The following BABAM2 variants were observed in gnomAD, a reference collection of about 807,000 sequenced individuals.
The protein encoded by BABAM2 is BRISC and BRCA1 A complex member 2, also known as BRISC and BRCA1-A complex member 2.
A neutral mutation model predicts 54.7 loss-of-function variants in BABAM2; 31 were observed. That is an observed-to-expected ratio of 0.57 (90% CI 0.43 to 0.77). BABAM2 has a LOEUF of 0.77. Ranked by LOEUF, BABAM2 falls within the 30% of genes least tolerant of loss-of-function variation. The pLI, the probability that BABAM2 is intolerant of heterozygous loss-of-function variation, is 0.00. For missense variants in BABAM2, 364 were observed against 455.8 expected (o/e 0.80, Z 1.83); for synonymous variants, 167 against 162.9 (o/e 1.03, Z -0.19).
chr2:28,215,061 A>G (rs1163127190), intron 7 of BABAM2, among the ~76,000 whole-genome samples: 1 of 152,056 alleles, frequency 6.6e-6, no homozygotes, highest in African/African-American at 2.4e-5. Context: ...AGTTTTCACC[A>G]TCTTTTTCAC....
intron 10 of BABAM2, among the ~76,000 whole-genome samples, chr2:28,288,514 C>T (rs1405986010): frequency 2.0e-5 from 3 of 151,828 alleles, no homozygotes; most frequent in Non-Finnish European, 4.4e-5. Context: ...TTAGTACAGA[C>T]GGGGTTTTAC....
At position 28,279,348 on chromosome 2, in the gene BABAM2, A is replaced by G. The variant is rs537809384; in HGVS notation, c.935-18990A>G. On this transcript the variant is annotated intron_variant, in intron 10 of 11. Transcript: ENST00000379624. ...TGATGCACATCAGCAAAGCAGGGCCATCCATCTTGTGAGCTGCTTTTTGTT... is the reference window on the plus strand; with the variant it reads ...TGATGCACATCAGCAAAGCAGGGCCGTCCATCTTGTGAGCTGCTTTTTGTT... Among the ~76,000 whole-genome samples the G allele has an allele frequency of 2.0e-5, 3 of 152,180 alleles. No individual in the cohort carries two copies. The South Asian group carries it at 6.2e-4, about 32-fold the overall frequency.
At chr2:28,251,739 C>T (rs754655358) in intron 10 of BABAM2, among the ~76,000 whole-genome samples, 1 of 152,068 alleles carries the variant, frequency 6.6e-6, no homozygotes, top group African/African-American at 2.4e-5. Flanking sequence ...AAAAGCAAAT[C>T]GGAATCAGTA....
intron 6 of BABAM2, among the ~76,000 whole-genome samples, chr2:28,052,314 G>A (rs1428946641): frequency 1.4e-5 from 2 of 145,834 alleles, no homozygotes; most frequent in African/African-American, 5.1e-5. Context: ...AATAGACAGA[G>A]TCTTGCTCTG....
intron 2 of BABAM2, among the ~76,000 whole-genome samples, chr2:27,906,612 T>C (rs1046991933): frequency 2.0e-5 from 3 of 152,122 alleles, no homozygotes; most frequent in Admixed American, 6.5e-5. Context: ...CCAGGATAAA[T>C]TGGGGTCTGA....
At chr2:28,227,491 T>A (rs1201823920) in intron 7 of BABAM2, among the ~76,000 whole-genome samples, 2 of 152,216 alleles carry the variant, frequency 1.3e-5, no homozygotes, top group Non-Finnish European at 2.9e-5. Context: ...CTTCCTTGCC[T>A]TGCCTTCTGT....
At chr2:28,088,047 T>G (rs1665828325) in intron 6 of BABAM2, among the ~76,000 whole-genome samples, 1 of 152,200 alleles carries the variant, frequency 6.6e-6, no homozygotes, top group Non-Finnish European at 1.5e-5. Context: ...CTGAAAATAG[T>G]CCACTACAAA....
intron 11 of BABAM2, among the ~76,000 whole-genome samples, chr2:28,328,881 G>A (rs1194493328): frequency 6.6e-6 from 1 of 152,184 alleles, no homozygotes; most frequent in East Asian, 1.9e-4. Context: ...ACCTCTTTGG[G>A]TTGTATATTC....
chr2:28,038,784 C>T lies in BABAM2; in HGVS notation c.496-6941C>T, dbSNP rs145028878. Among the ~76,000 whole-genome samples the T allele has an allele frequency of 6.3e-3, 958 of 152,278 alleles. 6 individuals carry two copies. The highest frequency in any genetic ancestry group is 7.8e-3 in the Non-Finnish European group (533 of 68,016). ...CACATTTTAAAAATCCAGTTCACCA[C>T]TGATGGGCACCTAGGTAGTTTCCAT... On this transcript the variant is annotated intron_variant, in intron 5 of 11. Coordinates refer to ENST00000379624, the MANE Select transcript of BABAM2 (RefSeq NM_199191.3).
chr2:27,942,820 A>ATTTATTTG (rs72421093), intron 3 of BABAM2, among the ~76,000 whole-genome samples: 1 of 149,810 alleles, frequency 6.7e-6, no homozygotes, highest in African/African-American at 2.5e-5. Context: ...TTATTTATTT[A>ATTTATTTG]TTTATTTATT....
In BABAM2 at chr2:28,325,603, C is replaced by A. The variant is rs960580977; in HGVS notation, c.1089-12847C>A. Among the ~76,000 whole-genome samples, 1 of 152,204 alleles carries A rather than the reference C, an allele frequency of 6.6e-6. No individual in the cohort carries two copies. The highest frequency in any genetic ancestry group is 6.5e-5 in the Admixed American group (1 of 15,282). On this transcript the variant is annotated intron_variant, in intron 11 of 11. Transcript: ENST00000379624. This position sits in a 1 kb window ranked among gnomAD's most constrained non-coding sequence, Gnocchi z 4.3. ...TGAGTAGTTTCTTCTTTGGGAATTG[C>A]TGCTTTTCTGTCTGAAAGCCCAGAG...
chr2:27,996,349 G>C (rs916389110), intron 4 of BABAM2: 1 of 154,844 alleles, frequency 6.5e-6, no homozygotes, highest in Non-Finnish European at 1.5e-5. Flanking sequence ...TTTACTTCTG[G>C]TTCACTTCTG....
chr2:28,301,867 T>G (rs1688132059), intron 11 of BABAM2, among the ~76,000 whole-genome samples: 1 of 152,266 alleles, frequency 6.6e-6, no homozygotes, highest in Non-Finnish European at 1.5e-5. Flanking sequence ...TATATATCTT[T>G]TTTTAAAATT....
chr2:28,026,917 A>ATATATATATAG (rs1491354049), intron 5 of BABAM2, among the ~76,000 whole-genome samples: 1 of 29,474 alleles, frequency 3.4e-5, no homozygotes, highest in African/African-American at 1.1e-4. Flanking sequence ...AATATATATT[A>ATATATATATAG]ATATATATAA....
rs373923719 is a variant in BABAM2, at chr2:27,937,864, CA to C, written c.205+7962del. ...CTTTCTGTATTTTTGAGAGCTTTTC[CA>C]AAAAATTCTTACTGAGACCAATTGT... On this transcript the variant is annotated intron_variant, in intron 3 of 11. Coordinates refer to ENST00000379624, the MANE Select transcript of BABAM2 (RefSeq NM_199191.3). Among the ~76,000 whole-genome samples the C allele has an allele frequency of 9.2e-3, 1,402 of 152,124 alleles. 23 individuals carry two copies. The highest frequency in any genetic ancestry group is 0.032 in the African/African-American group (1,309 of 41,518).
intron 6 of BABAM2, among the ~76,000 whole-genome samples, chr2:28,080,227 T>C (rs1157928546): frequency 6.6e-6 from 1 of 152,208 alleles, no homozygotes; most frequent in Non-Finnish European, 1.5e-5. Context: ...TCCAGTCTTA[T>C]CTTTAATTTC....
At chr2:28,072,335 G>A (rs1375164075) in intron 6 of BABAM2, among the ~76,000 whole-genome samples, 1 of 151,406 alleles carries the variant, frequency 6.6e-6, no homozygotes, top group Non-Finnish European at 1.5e-5. Context: ...ACCACGCCCA[G>A]CTAATTTTTG....
intron 3 of BABAM2, among the ~76,000 whole-genome samples, chr2:27,956,821 A>AT (rs1484259843): frequency 6.6e-6 from 1 of 152,210 alleles, no homozygotes; most frequent in African/African-American, 2.4e-5. Context: ...GGACTAACCA[A>AT]TTTTGCTTTG....
At chr2:28,199,031 T>C (rs1677958784) in intron 7 of BABAM2, among the ~76,000 whole-genome samples, 1 of 152,240 alleles carries the variant, frequency 6.6e-6, no homozygotes, top group Non-Finnish European at 1.5e-5. Flanking sequence ...TTTTGGTTTG[T>C]CGGCTTGAAT....
Sources: allele counts gnomAD v4.1 joint callset (sites outside exome capture counted in the v4.1 genomes callset), GRCh38; gene constraint gnomAD v4.1.1; non-coding constraint Gnocchi (gnomAD v3.1); transcripts MANE v1.5; gene names NCBI Gene and HGNC (gene_info 2026-07-23, HGNC 2026-07-21).